The following SGCD variants were observed in gnomAD, a reference collection of about 807,000 sequenced individuals.
The protein encoded by SGCD is delta-sarcoglycan.
SGCD carries 18 observed loss-of-function variants against 36.6 expected under a neutral mutation model. That is an observed-to-expected ratio of 0.49 (90% confidence interval 0.34 to 0.73). The LOEUF (loss-of-function observed/expected upper bound fraction) is 0.73. SGCD is among the 30% of genes least tolerant of loss of function. The probability of loss-of-function intolerance (pLI) is 0.01; values close to 1 mark genes in which losing one functional copy is unlikely to be tolerated. For synonymous variants in SGCD, 133 were observed against 130.6 expected (o/e 1.02, Z -0.12); for missense variants, 387 against 346.7 (o/e 1.12, Z -0.92).
At chr5:156,318,495 G>C (rs1214924399) in intron 3 of SGCD, among the ~76,000 whole-genome samples, 1 of 152,036 alleles carries the variant, frequency 6.6e-6, no homozygotes, top group Admixed American at 6.5e-5. Flanking sequence ...CTAAATATGA[G>C]GAGAGTTCAT....
intron 1 of SGCD, among the ~76,000 whole-genome samples, chr5:156,025,490 A>G (rs1482527087): frequency 6.6e-6 from 1 of 152,198 alleles, no homozygotes; most frequent in African/African-American, 2.4e-5. Flanking sequence ...AGACCTGGTA[A>G]CATACTTTGT....
intron 3 of SGCD, among the ~76,000 whole-genome samples, chr5:156,434,792 G>A (rs1258645167): frequency 1.3e-5 from 2 of 152,164 alleles, no homozygotes; most frequent in Non-Finnish European, 2.9e-5. Flanking sequence ...TTCAGCATAG[G>A]TTTTTCAGGC....
intron 6 of SGCD, among the ~76,000 whole-genome samples, chr5:156,609,134 T>C (rs1472349955): frequency 6.6e-6 from 1 of 152,184 alleles, no homozygotes; most frequent in East Asian, 1.9e-4. Flanking sequence ...AGTTTCTTCC[T>C]AGTCTCGATG....
chr5:156,067,797 G>C (rs1410721813), intron 1 of SGCD, among the ~76,000 whole-genome samples: 4 of 138,256 alleles, frequency 2.9e-5, no homozygotes, highest in Admixed American at 2.7e-4. Flanking sequence ...CTCTGCTTCG[G>C]CTCGCGCACG....
the SGCD span, among the ~76,000 whole-genome samples, chr5:155,830,138 A>G: frequency 6.6e-6 from 1 of 152,134 alleles, no homozygotes; most frequent in Non-Finnish European, 1.5e-5. Flanking sequence ...AGTGTATTAG[A>G]CTTCTAAAGC....
chr5:155,773,854 C>G, the SGCD span, among the ~76,000 whole-genome samples: 112 of 152,142 alleles, frequency 7.4e-4, 1 homozygote, highest in South Asian at 4.6e-3. Context: ...CACAGGCCAG[C>G]CGAAGGTCAT....
chr5:155,920,480 G>A (rs1459871306), intron 1 of SGCD, among the ~76,000 whole-genome samples: 1 of 152,120 alleles, frequency 6.6e-6, no homozygotes, highest in African/African-American at 2.4e-5. Flanking sequence ...ACTGAGCTGG[G>A]GAGTTGAATG....
intron 6 of SGCD, among the ~76,000 whole-genome samples, chr5:156,596,822 C>G (rs1364902290): frequency 6.6e-6 from 1 of 152,126 alleles, no homozygotes; most frequent in Non-Finnish European, 1.5e-5. Flanking sequence ...CTATCATGGT[C>G]AAATGCACGC....
intron 6 of SGCD, among the ~76,000 whole-genome samples, chr5:156,599,079 C>A (rs1761056969): frequency 1.3e-5 from 2 of 152,294 alleles, no homozygotes; most frequent in South Asian, 4.1e-4. Context: ...ACAAATCTTG[C>A]ATCAACCTAC....
chr5:155,881,488 A>G (rs1455818273), intron 1 of SGCD, among the ~76,000 whole-genome samples: 2 of 152,190 alleles, frequency 1.3e-5, no homozygotes, highest in Non-Finnish European at 2.9e-5. Context: ...GATGCTACCA[A>G]TCATCGCTGA....
chr5:156,061,233 AT>A (rs1760199035), intron 1 of SGCD, among the ~76,000 whole-genome samples: 1 of 145,124 alleles, frequency 6.9e-6, no homozygotes, highest in Admixed American at 6.9e-5. Flanking sequence ...CATACATAGT[AT>A]GTCCAATCTC....
At chr5:156,506,186 T>C (rs1410293707) in intron 3 of SGCD, among the ~76,000 whole-genome samples, 2 of 152,190 alleles carry the variant, frequency 1.3e-5, no homozygotes, top group African/African-American at 4.8e-5. Flanking sequence ...TCTGTGTGTG[T>C]TGTGAGTTAA....
At chr5:156,482,000 G>T (rs1755451201) in intron 3 of SGCD, among the ~76,000 whole-genome samples, 1 of 152,196 alleles carries the variant, frequency 6.6e-6, no homozygotes, top group Non-Finnish European at 1.5e-5. Context: ...AGGCAGTCTG[G>T]TCCCAGTCCC....
intron 7 of SGCD, among the ~76,000 whole-genome samples, chr5:156,730,123 T>C (rs1366668380): frequency 6.6e-6 from 1 of 152,196 alleles, no homozygotes; most frequent in Non-Finnish European, 1.5e-5. Context: ...ATTACAAGTA[T>C]ATAATTAGAA....
At chr5:156,686,356 G>A (rs1435501966) in intron 7 of SGCD, among the ~76,000 whole-genome samples, 1 of 152,200 alleles carries the variant, frequency 6.6e-6, no homozygotes, top group African/African-American at 2.4e-5. Flanking sequence ...CATAAGGCAT[G>A]TACCCAGAAA....
chr5:156,028,035 A>G (rs1360812632), intron 1 of SGCD, among the ~76,000 whole-genome samples: 1 of 152,236 alleles, frequency 6.6e-6, no homozygotes, highest in Non-Finnish European at 1.5e-5. Context: ...GTCCCACCTT[A>G]CTTCCTAAAG....
At chr5:156,225,703 T>G (rs1764837058) in intron 3 of SGCD, among the ~76,000 whole-genome samples, 1 of 152,082 alleles carries the variant, frequency 6.6e-6, no homozygotes, top group Non-Finnish European at 1.5e-5. Context: ...TTAAAATATC[T>G]ATGAAATTAT....
chr5:156,504,357 G>C (rs1418477033), intron 3 of SGCD, among the ~76,000 whole-genome samples: 1 of 143,734 alleles, frequency 7.0e-6, no homozygotes, highest in Non-Finnish European at 1.5e-5. Context: ...GAGAATTTTT[G>C]TTATATGTAC....
intron 3 of SGCD, among the ~76,000 whole-genome samples, chr5:156,238,858 C>T (rs1218789253): frequency 6.6e-6 from 1 of 152,044 alleles, no homozygotes; most frequent in African/African-American, 2.4e-5. Context: ...TTTGAGGATG[C>T]CTTTTTAATT....
Sources: gnomAD v4.1 joint callset for allele counts (sites outside exome capture counted in the v4.1 genomes callset) on GRCh38, gnomAD v4.1.1 for gene constraint, MANE v1.5 for transcripts, NCBI Gene and HGNC (gene_info 2026-07-23, HGNC 2026-07-21) for gene names.